KDM1B: variants seen among roughly 807,000 people sequenced by gnomAD.
KDM1B encodes the protein lysine-specific histone demethylase 2.
Under a neutral mutation model 107.4 loss-of-function variants are expected in KDM1B, and 63 were observed. The ratio of observed to expected loss-of-function variants is 0.59; its 90% CI spans 0.48 to 0.72. KDM1B has a LOEUF of 0.72. Ranked by LOEUF, KDM1B falls within the 30% of genes least tolerant of loss-of-function variation. KDM1B has a pLI of 0.00. For synonymous variants in KDM1B, 363 were observed against 363.9 expected (o/e 1.00, Z 0.03); for missense variants, 749 against 1,020.8 (o/e 0.73, Z 3.63).
intron 6 of KDM1B, among the ~76,000 whole-genome samples, chr6:18,170,710 G>C (rs1785597213): frequency 6.6e-6 from 1 of 152,062 alleles, no homozygotes; most frequent in Non-Finnish European, 1.5e-5. Flanking sequence ...GAACTCCTGG[G>C]CTCAAGCAGT....
chr6:18,183,258 GTTTTTTTTTTTT>G (rs34558185), intron 7 of KDM1B, among the ~76,000 whole-genome samples: 1 of 61,430 alleles, frequency 1.6e-5, no homozygotes. Flanking sequence ...AATTTTGTGG[GTTTTTTTTTTTT>G]TTTTTTTTTT....
chr6:18,161,218 T>A, intron 3 of KDM1B, 109 bp from the exon 4 acceptor site: 1 of 951,136 alleles, frequency 1.1e-6, no homozygotes, highest in Non-Finnish European at 1.6e-6. Context: ...TGCCATGATG[T>A]TTTTGACCTT....
Position 18,204,427 on chromosome 6 carries a change from T to TGGCA in KDM1B, c.1532-1109_1532-1106dup, listed in dbSNP as rs1788239233. Among the ~76,000 whole-genome samples the TGGCA allele has an allele frequency of 6.6e-6, 1 of 152,022 alleles. No homozygotes were observed. The highest frequency in any genetic ancestry group is 2.1e-4 in the South Asian group (1 of 4,814). ...AAGTTGAGGCTGCAGTGAGTCGGAA[T>TGGCA]GGCACCACAGCACTCCAGCCTGGGT... On this transcript the variant is annotated intron_variant, in intron 14 of 21. Transcript: ENST00000650836. The surrounding 1 kb of genome is among the most constrained non-coding windows in gnomAD (Gnocchi z 4.9).
In KDM1B at chr6:18,159,687, C is replaced by T. The variant is rs947061465; in HGVS notation, c.-13-196C>T. Among the ~76,000 whole-genome samples, 8 of 152,102 alleles carry T rather than the reference C, an allele frequency of 5.3e-5. No homozygotes were observed. Among genetic ancestry groups the T allele is most frequent in the South Asian group, 2.1e-4 (1 of 4,826 alleles). On this transcript the variant is annotated intron_variant, in intron 2 of 21. Coordinates refer to ENST00000650836, the MANE Select transcript of KDM1B (RefSeq NM_001364614.2). The surrounding 1 kb of genome is among the most constrained non-coding windows in gnomAD (Gnocchi z 4.5). ...CTACTTGGAGCTGAGGTGGGAGAAT[C>T]GCTTGAGCCCAGGAGTTCCAGGCTA...
Position 18,186,596 on chromosome 6 carries a change from T to C in KDM1B, c.573+786T>C, listed in dbSNP as rs1245873452. On this transcript the variant is annotated intron_variant, in intron 8 of 21. Coordinates refer to ENST00000650836, the MANE Select transcript of KDM1B (RefSeq NM_001364614.2). This position sits in a 1 kb window ranked among gnomAD's most constrained non-coding sequence, Gnocchi z 5.6. ...TGTTTGCATGTGTATTAGTCCGTTCTCACGCTGCTTGCTATAAAGAACTGC... is the reference window on the plus strand; with the variant it reads ...TGTTTGCATGTGTATTAGTCCGTTCCCACGCTGCTTGCTATAAAGAACTGC... Among the ~76,000 whole-genome samples, 1 of 152,190 alleles carries C rather than the reference T, an allele frequency of 6.6e-6. No homozygotes were observed. The highest frequency in any genetic ancestry group is 1.5e-5 in the Non-Finnish European group (1 of 68,036).
chr6:18,223,707 T>C lies in KDM1B; in HGVS notation c.*1715T>C, dbSNP rs369324220. On this transcript the variant is annotated 3_prime_UTR_variant, in exon 22 of 22. Transcript: ENST00000650836. ...TGTTTAAGAAGCCATGGTACTTTTT[T>C]CTTGAGTTACTTTGGATATGTTTTT... 2.0e-5 allele frequency: 3 copies of C among 152,308 alleles called. No homozygotes were observed. Among genetic ancestry groups the C allele is most frequent in the Non-Finnish European group, 2.9e-5 (2 of 68,022 alleles). 9.4% of individuals were successfully genotyped at this position (152,308 alleles called of 1,614,324 possible). A position where few individuals can be genotyped will look rare whatever the true frequency, so the allele number is the denominator to read the frequency against.
chr6:18,215,742 T>C (rs867044352), intron 20 of KDM1B, among the ~76,000 whole-genome samples: 140 of 133,736 alleles, frequency 1.0e-3, no homozygotes, highest in Middle Eastern at 3.8e-3. Flanking sequence ...CACACTTCCC[T>C]TTTTTTTTTT....
intron 7 of KDM1B, among the ~76,000 whole-genome samples, chr6:18,177,898 T>A (rs1228275723): frequency 1.3e-5 from 2 of 152,192 alleles, no homozygotes; most frequent in Non-Finnish European, 2.9e-5. Flanking sequence ...ATGTGGTTCC[T>A]TACAGAAAAT....
chr6:18,218,290 T>C (rs1789403251), intron 21 of KDM1B, among the ~76,000 whole-genome samples: 1 of 151,996 alleles, frequency 6.6e-6, no homozygotes, highest in Non-Finnish European at 1.5e-5. Context: ...CTGGCTAATT[T>C]TTTTTTTATT....
intron 7 of KDM1B, among the ~76,000 whole-genome samples, chr6:18,178,838 G>T (rs545232090): frequency 6.6e-6 from 1 of 152,152 alleles, no homozygotes; most frequent in Admixed American, 6.5e-5. Context: ...GATTCCTTTG[G>T]GTTGTCTGCA....
Position 18,197,735 on chromosome 6 carries a change from AACCAGTTCCT to A in KDM1B, c.1221+76_1221+85del. The A allele has an allele frequency of 9.7e-7, 1 of 1,032,724 alleles. No homozygotes were observed. The highest frequency in any genetic ancestry group is 1.5e-6 in the Non-Finnish European group (1 of 680,254). 64.0% of individuals were successfully genotyped at this position (1,032,724 alleles called of 1,614,324 possible). ...TTGGTCCAAATTTCTAAGATTTAGA[AACCAGTTCCT>A]ATTTTTAGTGAAGAATACTAAATAC... On this transcript the variant is annotated intron_variant, in intron 12 of 21. Transcript: ENST00000650836. This position sits in a 1 kb window ranked among gnomAD's most constrained non-coding sequence, Gnocchi z 4.5.
At chr6:18,210,762 G>T (rs1467346280) in intron 17 of KDM1B, among the ~76,000 whole-genome samples, 2 of 152,136 alleles carry the variant, frequency 1.3e-5, no homozygotes, top group Non-Finnish European at 2.9e-5. Flanking sequence ...ACTTCGGGAG[G>T]CTGAGGCGAG....
chr6:18,220,126 AC>A (rs1161476372), intron 21 of KDM1B, among the ~76,000 whole-genome samples: 1 of 151,550 alleles, frequency 6.6e-6, no homozygotes, highest in Non-Finnish European at 1.5e-5. Flanking sequence ...TTTTGTTAAA[AC>A]CCCTGCCCCC....
Position 18,200,573 on chromosome 6 carries a change from A to G in KDM1B, c.1356A>G (p.Glu452=), listed in dbSNP as rs1383293853. Residue 452 remains glutamate (E), a synonymous_variant, in exon 13 of 22, where the codon GAA becomes GAG. Coordinates refer to ENST00000650836, the MANE Select transcript of KDM1B (RefSeq NM_001364614.2). This position sits in a 1 kb window ranked among gnomAD's most constrained non-coding sequence, Gnocchi z 4.3. The part of the protein sequence containing the change: ...CINNPVALMC[E]QLGISMHKFG... ...ACAACCCAGTAGCATTAATGTGTGA[A>G]CAAGTGAGTTTCTTTTAGCTTTGTG... The G allele has an allele frequency of 6.2e-7, 1 of 1,609,134 alleles. No homozygotes were observed. Among genetic ancestry groups the G allele is most frequent in the South Asian group, 1.1e-5 (1 of 89,634 alleles).
chr6:18,221,405 T>TA lies in KDM1B; in HGVS notation c.2386-503dup, dbSNP rs1278753034. 1.6e-4 allele frequency among the ~76,000 whole-genome samples: 25 copies of TA among 152,328 alleles called. No homozygotes were observed. In the South Asian group the frequency reaches 5.2e-3, roughly 32 times the overall value. ...CATTCCTTGAGTGAGGTTCTCCTAT[T>TA]ATTGAGTCGTTTTACTTCCTCCCAA... On this transcript the variant is annotated intron_variant, in intron 21 of 21. Transcript: ENST00000650836.
At chr6:18,156,850 G>T (rs949130025) in intron 2 of KDM1B, among the ~76,000 whole-genome samples, 1 of 152,040 alleles carries the variant, frequency 6.6e-6, no homozygotes, top group African/African-American at 2.4e-5. Context: ...CCAGGAGGTG[G>T]ATGTTGTAGT....
intron 9 of KDM1B, among the ~76,000 whole-genome samples, chr6:18,189,306 C>T (rs1456449830): frequency 1.3e-5 from 2 of 152,052 alleles, no homozygotes; most frequent in East Asian, 3.9e-4. Context: ...AGTGGTAATT[C>T]CCAGGGTTAA....
chr6:18,162,333 A>T lies in KDM1B; in HGVS notation c.216-502A>T, dbSNP rs1040402356. On this transcript the variant is annotated intron_variant, in intron 4 of 21. Coordinates refer to ENST00000650836, the MANE Select transcript of KDM1B (RefSeq NM_001364614.2). The surrounding 1 kb of genome is among the most constrained non-coding windows in gnomAD (Gnocchi z 4.1). ...CAAGACTCCATCTCAAATAAATAAA[A>T]AAATATTAAAAATAAACACAAAGAC... 2.6e-5 allele frequency among the ~76,000 whole-genome samples: 4 copies of T among 152,194 alleles called. No homozygotes were observed. Among genetic ancestry groups the T allele is most frequent in the Non-Finnish European group, 5.9e-5 (4 of 68,042 alleles).
intron 16 of KDM1B, 95 bp downstream of exon 16, chr6:18,207,624 T>G: frequency 6.7e-7 from 1 of 1,491,998 alleles, no homozygotes; most frequent in Non-Finnish European, 9.3e-7. Flanking sequence ...GGGGCTGGCT[T>G]TGGTGTTTAG....
Sources: allele counts gnomAD v4.1 joint callset (sites outside exome capture counted in the v4.1 genomes callset), GRCh38; gene constraint gnomAD v4.1.1; non-coding constraint Gnocchi (gnomAD v3.1); transcripts MANE v1.5; gene names NCBI Gene and HGNC (gene_info 2026-07-23, HGNC 2026-07-21).